Variants in EDA2R observed in about 807,000 individuals in gnomAD.
EDA2R encodes the protein tumor necrosis factor receptor superfamily member 27.
A neutral mutation model predicts 20.1 loss-of-function variants in EDA2R; 26 were observed. The ratio of observed to expected loss-of-function variants is 1.30; its 90% CI spans 0.95 to 1.80. The LOEUF is 1.80. Ranked by LOEUF, EDA2R falls within the 40% of genes most tolerant of loss-of-function variation. The pLI, the probability that EDA2R is intolerant of heterozygous loss-of-function variation, is 0.00. For synonymous variants in EDA2R, 114 were observed against 88.7 expected, an observed-to-expected ratio of 1.29 and a Z score of -1.60; for missense variants, 277 against 228.7, an observed-to-expected ratio of 1.21 and a Z score of -1.36.
intron 1 of EDA2R, among the ~76,000 whole-genome samples, chrX:66,634,715 C>A (rs1395927776): frequency 1.8e-5 from 2 of 111,602 alleles, no homozygotes; most frequent in Non-Finnish European, 3.8e-5. Context: ...TTCAAGTCTG[C>A]ATATTCAGGG....
intron 2 of EDA2R, among the ~76,000 whole-genome samples, chrX:66,611,683 A>G (rs1425288520): frequency 1.8e-5 from 2 of 111,410 alleles, no homozygotes; most frequent in African/African-American, 3.3e-5. Flanking sequence ...AAGCCTCAAG[A>G]ACCTATGAGA....
chrX:66,637,510 C>T (rs916043960), intron 1 of EDA2R, among the ~76,000 whole-genome samples: 2 of 112,213 alleles, frequency 1.8e-5, no homozygotes, highest in Admixed American at 9.4e-5. Flanking sequence ...CTGTCTTTTG[C>T]AGTTTACCAC....
At chrX:66,608,266 C>G (rs940038806) in intron 2 of EDA2R, among the ~76,000 whole-genome samples, 1 of 110,319 alleles carries the variant, frequency 9.1e-6, no homozygotes, top group Non-Finnish European at 1.9e-5. Context: ...AGATGGGGGA[C>G]GAGAATGAAT....
At position 66,602,752 on chromosome X, in the gene EDA2R, G is replaced by C. The variant is rs764786622; in HGVS notation, c.398C>G (p.Pro133Arg). ...TGCAACAAGTGTGGCCTCCTGAGGGGGCACTGTGGGTGTATCTGCCTCCAC... is the reference window on the plus strand; with the variant it reads ...TGCAACAAGTGTGGCCTCCTGAGGGCGCACTGTGGGTGTATCTGCCTCCAC... ...SLVEADTPTV[P>R]PQEATLVALV... The change falls in exon 5 of 7, where the codon CCC becomes CGC. Residue 133 changes from proline to arginine, a missense_variant. Pro to Arg is a moderately radical substitution (Grantham distance 103). Coordinates refer to ENST00000374719, the MANE Select transcript of EDA2R (RefSeq NM_021783.5). 8.4e-7 allele frequency: 1 copy of C among 1,197,040 alleles called. No homozygotes were observed. The highest frequency in any genetic ancestry group is 2.3e-5 in the Admixed American group (1 of 44,294).
chrX:66,619,886 T>C (rs1434860467), intron 1 of EDA2R, among the ~76,000 whole-genome samples: 1 of 111,372 alleles, frequency 9.0e-6, no homozygotes, highest in Non-Finnish European at 1.9e-5. Context: ...GTAAGGAGCA[T>C]AAAGATTAAA....
chrX:66,634,845 T>C (rs1230136233), intron 1 of EDA2R, among the ~76,000 whole-genome samples: 1 of 111,413 alleles, frequency 9.0e-6, no homozygotes, highest in Non-Finnish European at 1.9e-5. Flanking sequence ...CACAGCCCAA[T>C]AATGGCTCAT....
At chrX:66,633,995 A>G (rs748241527) in intron 1 of EDA2R, among the ~76,000 whole-genome samples, 3 of 111,649 alleles carry the variant, frequency 2.7e-5, no homozygotes, top group Middle Eastern at 4.7e-3. Flanking sequence ...GAAGATGTCA[A>G]CAAGAACAGT....
intron 1 of EDA2R, among the ~76,000 whole-genome samples, chrX:66,636,762 C>T (rs978003693): frequency 5.9e-4 from 66 of 110,945 alleles, no homozygotes; most frequent in African/African-American, 2.0e-3. Flanking sequence ...TCTTTTAATC[C>T]TCCCAATAAC....
Position 66,612,219 on chromosome X carries a change from GA to G in EDA2R, c.87+3714del, listed in dbSNP as rs764983622. On this transcript the variant is annotated intron_variant, in intron 2 of 6. Coordinates refer to ENST00000374719, the MANE Select transcript of EDA2R (RefSeq NM_021783.5). The stretch of plus-strand genomic sequence containing the variant: ...AAATGAAATGATTTAAGAAAGAGTG[GA>G]AGTGATAAAAGAAGAAATCTTGGAG... Among the ~76,000 whole-genome samples, 719 of 111,385 alleles carry G rather than the reference GA, an allele frequency of 6.5e-3. 4 individuals carry two copies. The highest frequency in any genetic ancestry group is 0.023 in the African/African-American group (698 of 30,743).
rs1246824249 is a variant in EDA2R, at chrX:66,599,930, C to T, written c.518-70G>A. 4.3e-6 allele frequency: 5 copies of T among 1,159,143 alleles called. No homozygotes were observed. The Admixed American group carries it at 1.3e-4, about 30-fold the overall frequency. ...GCTCTTCTCAGCTGGGCACTGGGTA[C>T]TGAGTACAAGACAGGTAAAGGTCTG... On this transcript the variant is annotated intron_variant, in intron 5 of 6. Transcript: ENST00000374719.
In EDA2R at chrX:66,604,953, A is replaced by G. The variant is rs1929380825; in HGVS notation, c.266+95T>C. The stretch of plus-strand genomic sequence containing the variant: ...TAAACTGAATATTATGTTTATAAGA[A>G]GAATATTTCGACTAAGTTCTGAGAG... On this transcript the variant is annotated intron_variant, in intron 3 of 6. Transcript: ENST00000374719. The G allele has an allele frequency of 4.6e-5, 36 of 782,746 alleles. No individual in the cohort carries two copies. In the East Asian group the frequency reaches 1.0e-3, roughly 23 times the overall value. 64.5% of individuals were successfully genotyped at this position (782,746 alleles called of 1,213,427 possible). A position where few individuals can be genotyped will look rare whatever the true frequency, so the allele number is the denominator to read the frequency against.
chrX:66,609,868 A>G (rs1930405810), intron 2 of EDA2R, among the ~76,000 whole-genome samples: 2 of 112,032 alleles, frequency 1.8e-5, no homozygotes, highest in African/African-American at 3.2e-5. Context: ...AATTTGATAC[A>G]TTCCTCACAC....
chrX:66,601,243 A>T (rs1176463964), intron 5 of EDA2R, among the ~76,000 whole-genome samples: 1 of 111,459 alleles, frequency 9.0e-6, no homozygotes, highest in African/African-American at 3.3e-5. Context: ...ATATTTTCTC[A>T]TTTTCATCTT....
In EDA2R at chrX:66,625,839, A is replaced by T. The variant is rs182438650; in HGVS notation, c.-10-9809T>A. Among the ~76,000 whole-genome samples the T allele has an allele frequency of 4.5e-5, 5 of 111,840 alleles. No individual in the cohort carries two copies. In the East Asian group the frequency reaches 1.4e-3, roughly 32 times the overall value. ...ACCAATAGATGGTTCACATCACAGG[A>T]CTCTGTGCAGACAACCCCCAGTACC... On this transcript the variant is annotated intron_variant, in intron 1 of 6. Transcript: ENST00000374719.
rs945188622 is a variant in EDA2R at position 66,615,926 on chromosome X, T to C, written c.87+8A>G. On this transcript the variant is annotated splice_region_variant and intron_variant, in intron 2 of 6. Coordinates refer to ENST00000374719, the MANE Select transcript of EDA2R (RefSeq NM_021783.5). ...ACAGAAATAAGTGTACTGAATAGGA[T>C]AACTTACCTTGGATAGCTCCTGTCC... 8 of 1,198,406 alleles carry C rather than the reference T, an allele frequency of 6.7e-6. No homozygotes were observed. The highest frequency in any genetic ancestry group is 4.4e-5 in the Admixed American group (2 of 45,589).
chrX:66,635,270 T>C (rs1326603636), intron 1 of EDA2R, among the ~76,000 whole-genome samples: 4 of 111,956 alleles, frequency 3.6e-5, no homozygotes, highest in Non-Finnish European at 1.9e-5. Context: ...TACAGTAAAC[T>C]CTAATCCAAG....
chrX:66,610,202 A>G (rs73632134), intron 2 of EDA2R, among the ~76,000 whole-genome samples: 7,298 of 109,399 alleles, frequency 0.067, 633 homozygotes, highest in African/African-American at 0.23. Flanking sequence ...GAAACTAAAC[A>G]TATATTCACA....
intron 1 of EDA2R, among the ~76,000 whole-genome samples, chrX:66,632,257 C>T (rs1291767199): frequency 1.8e-5 from 2 of 111,327 alleles, no homozygotes; most frequent in African/African-American, 6.5e-5. Context: ...AAAACTGTAT[C>T]TACTAAAAGT....
chrX:66,602,898 G>A, intron 4 of EDA2R, 101 bp from the exon 5 acceptor site: 1 of 781,934 alleles, frequency 1.3e-6, no homozygotes, highest in Non-Finnish European at 1.8e-6. Context: ...TTCTCCCTAG[G>A]GCCTTCCCCA....
Sources: gnomAD v4.1 joint callset for allele counts (sites outside exome capture counted in the v4.1 genomes callset) on GRCh38, gnomAD v4.1.1 for gene constraint, MANE v1.5 for transcripts, NCBI Gene and HGNC (gene_info 2026-07-23, HGNC 2026-07-21) for gene names.